The following USP34 variants were observed in gnomAD, a reference collection of about 807,000 sequenced individuals.
USP34 encodes ubiquitin specific peptidase 34, also known as ubiquitin carboxyl-terminal hydrolase 34.
In USP34, 70 loss-of-function variants were observed where a neutral mutation model predicts 460.3. The ratio of observed to expected loss-of-function variants is 0.15; its 90% CI spans 0.13 to 0.19. USP34 has a LOEUF of 0.19. USP34 is among the 10% of genes least tolerant of loss of function. The pLI is 1.00. For synonymous variants in USP34, 1,647 were observed against 1,405.3 expected (o/e 1.17, Z -3.85); for missense variants, 3,985 against 4,236.2 (o/e 0.94, Z 1.65).
At position 61,235,389 on chromosome 2, in the gene USP34, A is replaced by C. The variant is rs187466359; in HGVS notation, c.7032+456T>G. 4.0e-5 allele frequency among the ~76,000 whole-genome samples: 6 copies of C among 149,334 alleles called. No individual in the cohort carries two copies. The Admixed American group carries it at 4.1e-4, about 10-fold the overall frequency. ...TCGTCAGGCTGGAGTGCAGTGGCAC[A>C]ATCTCAGCTCACTACAACCTCTGCC... On this transcript the variant is annotated intron_variant, in intron 57 of 79. Coordinates refer to ENST00000398571, the MANE Select transcript of USP34 (RefSeq NM_014709.4).
intron 10 of USP34, among the ~76,000 whole-genome samples, chr2:61,353,393 TG>T (rs771732427): frequency 0.062 from 8,841 of 142,148 alleles, 552 homozygotes; most frequent in African/African-American, 0.15. Flanking sequence ...CCTAGACGAA[TG>T]TTTTTTTTTT....
chr2:61,357,247 C>T (rs946399998), intron 10 of USP34, among the ~76,000 whole-genome samples: 1 of 152,100 alleles, frequency 6.6e-6, no homozygotes, highest in East Asian at 1.9e-4. Context: ...TGTTTCTCTA[C>T]CCACAGCAGG....
chr2:61,209,007 A>G, intron 69 of USP34, 30 bp from the exon 70 acceptor site: 1 of 1,425,862 alleles, frequency 7.0e-7, no homozygotes, highest in South Asian at 1.4e-5. Context: ...TCAGTTTGAG[A>G]AGTCTGAATA....
chr2:61,269,400 A>C (rs948383978), intron 41 of USP34, among the ~76,000 whole-genome samples: 3 of 151,548 alleles, frequency 2.0e-5, no homozygotes, highest in Non-Finnish European at 4.4e-5. Context: ...TCCTGGGCTC[A>C]AGCAATCCTT....
intron 34 of USP34, among the ~76,000 whole-genome samples, chr2:61,285,287 G>C (rs151016865): frequency 6.6e-6 from 1 of 151,838 alleles, no homozygotes; most frequent in Non-Finnish European, 1.5e-5. Context: ...CCAGAAATCC[G>C]ACACTAGCTG....
At chr2:61,349,154 T>C in intron 13 of USP34, 96 bp downstream of exon 13, 1 of 1,411,106 alleles carries the variant, frequency 7.1e-7, no homozygotes. Flanking sequence ...ACTTTATGAC[T>C]GATACAAATA....
chr2:61,401,149 C>CAAAA (rs60805364), intron 3 of USP34, among the ~76,000 whole-genome samples: 6 of 104,796 alleles, frequency 5.7e-5, no homozygotes, highest in Admixed American at 2.3e-4. Flanking sequence ...GACTCTGTCT[C>CAAAA]AAAAAAAAAA....
At chr2:61,421,420 C>T (rs1169588831) in intron 1 of USP34, among the ~76,000 whole-genome samples, 1 of 152,140 alleles carries the variant, frequency 6.6e-6, no homozygotes, top group Non-Finnish European at 1.5e-5. Flanking sequence ...CATTAAAAGA[C>T]CATTTCCCAA....
rs1472725111 is a variant in USP34 at position 61,470,653 on chromosome 2, C to G, written c.40G>C (p.Glu14Gln). The change falls in exon 1 of 80, where the codon GAA becomes CAA. Residue 14 changes from glutamate to glutamine, a missense_variant. Glu to Gln is a conservative substitution (Grantham distance 29). This residue lies in a region of USP34 where 331 missense variants were observed against 293.7 expected (regional missense o/e 1.13). Coordinates refer to ENST00000398571, the MANE Select transcript of USP34 (RefSeq NM_014709.4). Reference sequence around the variant, plus strand: ...GGCCGCTACCGCGGCTACTTACTTTCATTTAACACCTCCACCAGGTCTGCG... The same window carrying G: ...GGCCGCTACCGCGGCTACTTACTTTGATTTAACACCTCCACCAGGTCTGCG... The part of the protein sequence containing the change: ...NCADLVEVLN[E>Q]ISDVEGGDGL... The G allele has an allele frequency of 6.3e-7, 1 of 1,595,428 alleles. No individual in the cohort carries two copies.
At position 61,280,323 on chromosome 2, in the gene USP34, A is replaced by G. The variant is rs772100634; in HGVS notation, c.5177T>C (p.Ile1726Thr). Residue 1726 changes from isoleucine (I) to threonine (T), a missense_variant, in exon 39 of 80, where the codon ATA becomes ACA. Transcript: ENST00000398571. ...IRIDDYEEEPILKPGCKEYFW... is the reference protein window; with the variant it reads ...IRIDDYEEEPTLKPGCKEYFW... ...ATACTCTTTACATCCTGGTTTTAAT[A>G]TTGGTTCTTCCTCATAATCATCTAT... The G allele has an allele frequency of 6.5e-7, 1 of 1,548,308 alleles. No individual in the cohort carries two copies. The highest frequency in any genetic ancestry group is 8.7e-7 in the Non-Finnish European group (1 of 1,149,194).
Position 61,425,681 on chromosome 2 carries a change from G to A in USP34, c.44-4848C>T, listed in dbSNP as rs531708978. ...AGTAAACTTTTTGGCAGTCTGAGCC[G>A]TAAGGACTACAACTCTTAACCGATT... On this transcript the variant is annotated intron_variant, in intron 1 of 79. Coordinates refer to ENST00000398571, the MANE Select transcript of USP34 (RefSeq NM_014709.4). Among the ~76,000 whole-genome samples, 33 of 152,252 alleles carry A rather than the reference G, an allele frequency of 2.2e-4. No individual in the cohort carries two copies. In the East Asian group the frequency reaches 3.9e-3, roughly 18 times the overall value.
rs189601731 is a variant in USP34 at position 61,347,333 on chromosome 2, T to C, written c.2285+537A>G. 3.1e-4 allele frequency among the ~76,000 whole-genome samples: 47 copies of C among 152,328 alleles called. No individual in the cohort carries two copies. The Middle Eastern group carries it at 0.01, about 33-fold the overall frequency. ...TGTGTAAATGGCATTGTGGATATTA[T>C]TGGTTTAACATGATTAAAATTAACA... On this transcript the variant is annotated intron_variant, in intron 15 of 79. Transcript: ENST00000398571.
At chr2:61,246,677 T>G (rs912310164) in intron 49 of USP34, among the ~76,000 whole-genome samples, 200 bp from the exon 50 acceptor site, 13 of 152,228 alleles carry the variant, frequency 8.5e-5, no homozygotes, top group African/African-American at 3.1e-4. Flanking sequence ...AAATAGTTTA[T>G]ATGTTAAATA....
chr2:61,270,264 T>C (rs1477854587), intron 41 of USP34, among the ~76,000 whole-genome samples: 1 of 152,166 alleles, frequency 6.6e-6, no homozygotes, highest in Non-Finnish European at 1.5e-5. Context: ...AAGGGCTTCA[T>C]GAGAAGGTGC....
At chr2:61,355,103 G>A (rs1023563952) in intron 10 of USP34, among the ~76,000 whole-genome samples, 9 of 152,170 alleles carry the variant, frequency 5.9e-5, no homozygotes, top group South Asian at 4.1e-4. Flanking sequence ...AACCCAGCAC[G>A]AATATGCATT....
At chr2:61,418,758 A>G (rs969315835) in intron 2 of USP34, among the ~76,000 whole-genome samples, 1 of 152,176 alleles carries the variant, frequency 6.6e-6, no homozygotes, top group African/African-American at 2.4e-5. Flanking sequence ...TGATCTAACT[A>G]TTTTTACCTG....
chr2:61,311,389 C>G (rs1428942907), intron 27 of USP34, 151 bp downstream of exon 27: 2 of 864,324 alleles, frequency 2.3e-6, no homozygotes, highest in East Asian at 5.8e-5. Context: ...GTTACAGCAA[C>G]ACAAGACAAA....
At chr2:61,331,888 G>C (rs1223725564) in intron 19 of USP34, among the ~76,000 whole-genome samples, 2 of 151,602 alleles carry the variant, frequency 1.3e-5, no homozygotes, top group African/African-American at 4.8e-5. Flanking sequence ...GAGATCCCAG[G>C]GTCCATAACT....
chr2:61,239,870 G>A (rs1174452881), intron 53 of USP34, among the ~76,000 whole-genome samples: 1 of 152,044 alleles, frequency 6.6e-6, no homozygotes, highest in Non-Finnish European at 1.5e-5. Context: ...CATTAGCTGG[G>A]TGTGGTGGCG....
Sources: gnomAD v4.1 joint callset for allele counts (sites outside exome capture counted in the v4.1 genomes callset) on GRCh38, gnomAD v4.1.1 for gene constraint, gnomAD v4.1.1 regional missense constraint, MANE v1.5 for transcripts, NCBI Gene and HGNC (gene_info 2026-07-23, HGNC 2026-07-21) for gene names.